CARF: variants seen among roughly 807,000 people sequenced by gnomAD.
CARF encodes the protein calcium-responsive transcription factor.
CARF carries 57 observed loss-of-function variants against 82.0 expected under a neutral mutation model. That is an observed-to-expected ratio of 0.70 (90% confidence interval 0.56 to 0.87). CARF has a LOEUF of 0.87. Ranked by LOEUF, CARF falls within the 40% of genes least tolerant of loss-of-function variation. The probability of loss-of-function intolerance (pLI) is 0.00; values close to 1 mark genes in which losing one functional copy is unlikely to be tolerated. For missense variants in CARF, 771 were observed against 855.8 expected, an observed-to-expected ratio of 0.90 and a Z score of 1.24; for synonymous variants, 268 against 290.1, an observed-to-expected ratio of 0.92 and a Z score of 0.77.
chr2:202,986,901 T>TAC lies in CARF; in HGVS notation c.*3278_*3279insCA, dbSNP rs2060467837. 4 of 137,300 alleles carry TAC rather than the reference T, an allele frequency of 2.9e-5. No homozygotes were observed. The highest frequency in any genetic ancestry group is 4.7e-5 in the Non-Finnish European group (3 of 63,274). 8.5% of individuals were successfully genotyped at this position (137,300 alleles called of 1,614,324 possible). A position where few individuals can be genotyped will look rare whatever the true frequency, so the allele number is the denominator to read the frequency against. Reference sequence around the variant, plus strand: ...ATATATATATATATATATATATATATATATATAGCAACTTGATGTATAGTG... The same window carrying TAC: ...ATATATATATATATATATATATATATACATATATAGCAACTTGATGTATAGTG... On this transcript the variant is annotated 3_prime_UTR_variant, in exon 17 of 17. Coordinates refer to ENST00000438828, the MANE Select transcript of CARF (RefSeq NM_024744.17).
At chr2:202,957,215 C>G (rs572836649) in intron 8 of CARF, among the ~76,000 whole-genome samples, 13 of 152,310 alleles carry the variant, frequency 8.5e-5, no homozygotes, top group Admixed American at 5.2e-4. Context: ...CTTTGACCCT[C>G]CCATTTCTGG....
chr2:202,950,800 C>A (rs908581666), intron 5 of CARF, among the ~76,000 whole-genome samples: 15 of 152,108 alleles, frequency 9.9e-5, no homozygotes, highest in Admixed American at 2.6e-4. Context: ...ATGAACTGAG[C>A]ACGTGTAAGC....
At chr2:202,976,064 C>T (rs1293608755) in intron 13 of CARF, among the ~76,000 whole-genome samples, 1 of 151,884 alleles carries the variant, frequency 6.6e-6, no homozygotes, top group Non-Finnish European at 1.5e-5. Flanking sequence ...AATATATATC[C>T]ATCTATCCAT....
chr2:202,974,993 A>G (rs940840646), intron 13 of CARF, among the ~76,000 whole-genome samples: 2 of 152,092 alleles, frequency 1.3e-5, no homozygotes, highest in South Asian at 4.1e-4. Flanking sequence ...ACAAGAAGAA[A>G]AATCAGTGAA....
intron 11 of CARF, among the ~76,000 whole-genome samples, chr2:202,970,584 A>G (rs1337647572): frequency 1.3e-5 from 2 of 152,108 alleles, no homozygotes; most frequent in Non-Finnish European, 2.9e-5. Context: ...CTGGGTGAAT[A>G]ATTTGTTATT....
chr2:202,977,400 T>C (rs1249327394), intron 14 of CARF, 68 bp downstream of exon 14: 6 of 1,168,392 alleles, frequency 5.1e-6, no homozygotes. Flanking sequence ...ACTTAAGATA[T>C]TATCTCATCT....
chr2:202,982,625 AT>A (rs1473707351), intron 16 of CARF, among the ~76,000 whole-genome samples, 184 bp downstream of exon 16: 1 of 152,128 alleles, frequency 6.6e-6, no homozygotes, highest in East Asian at 1.9e-4. Flanking sequence ...TTAACCTTAA[AT>A]TTTCTTCTTC....
At chr2:202,936,523 A>G (rs945505832) in intron 3 of CARF, among the ~76,000 whole-genome samples, 3 of 152,194 alleles carry the variant, frequency 2.0e-5, no homozygotes, top group African/African-American at 7.2e-5. Context: ...AGAATCATAT[A>G]ATATGTGACC....
chr2:202,971,945 A>G (rs902213405), intron 12 of CARF, among the ~76,000 whole-genome samples: 1 of 152,128 alleles, frequency 6.6e-6, no homozygotes, highest in African/African-American at 2.4e-5. Context: ...ATGGTTTATT[A>G]TAATTCTGAT....
Position 202,969,985 on chromosome 2 carries a change from G to A in CARF, c.1020G>A (p.Lys340=), listed in dbSNP as rs2059718735. Residue 340 remains lysine (K), a synonymous_variant, in exon 11 of 17, where the codon AAG becomes AAA. Coordinates refer to ENST00000438828, the MANE Select transcript of CARF (RefSeq NM_024744.17). ...TTCCTACAGACCCCAAAATTGACAA[G>A]AAAATTATCAGAATGGAGCAGGAGA... is the stretch of plus-strand genomic sequence containing the variant. ...YRVPTDPKID[K]KIIRMEQEKA... 2 of 1,575,040 alleles carry A rather than the reference G, an allele frequency of 1.3e-6. No homozygotes were observed. Among genetic ancestry groups the A allele is most frequent in the Middle Eastern group, 3.4e-4 (2 of 5,954 alleles).
intron 3 of CARF, among the ~76,000 whole-genome samples, chr2:202,935,266 A>G (rs1452134395): frequency 6.9e-6 from 1 of 145,006 alleles, no homozygotes; most frequent in Non-Finnish European, 1.5e-5. Context: ...ATATTTATAT[A>G]TTAGAATAGT....
intron 6 of CARF, among the ~76,000 whole-genome samples, chr2:202,953,704 T>C (rs1393701736): frequency 6.6e-6 from 1 of 152,010 alleles, no homozygotes; most frequent in East Asian, 1.9e-4. Context: ...GCACAGTATA[T>C]AAACAAAATT....
In CARF at chr2:202,985,357, A is replaced by G. The variant is rs1332098496; in HGVS notation, c.*1733A>G. On this transcript the variant is annotated 3_prime_UTR_variant, in exon 17 of 17. Coordinates refer to ENST00000438828, the MANE Select transcript of CARF (RefSeq NM_024744.17). ...TAAATATAAAGTACTGTTATAGTAG[A>G]GGTAGGTGGAATTCTAATATTCCCT... is the stretch of plus-strand genomic sequence containing the variant. 1 of 152,094 alleles carries G rather than the reference A, an allele frequency of 6.6e-6. No individual in the cohort carries two copies. The highest frequency in any genetic ancestry group is 1.5e-5 in the Non-Finnish European group (1 of 67,986). The allele number at this position is 152,094 out of a possible 1,614,324, so 9.4% of individuals were successfully genotyped here.
At chr2:202,921,125 C>T (rs1690713653) in intron 2 of CARF, among the ~76,000 whole-genome samples, 1 of 152,156 alleles carries the variant, frequency 6.6e-6, no homozygotes. Context: ...CCTCAGCCTC[C>T]CAGGTAGCTG....
intron 16 of CARF, 58 bp downstream of exon 16, chr2:202,982,499 A>G (rs1431386978): frequency 1.9e-6 from 3 of 1,556,354 alleles, no homozygotes; most frequent in Admixed American, 1.9e-5. Context: ...TATCATCACT[A>G]TATTATACTA....
At chr2:202,973,460 T>G in intron 12 of CARF, 1 of 437,066 alleles carries the variant, frequency 2.3e-6, no homozygotes, top group Non-Finnish European at 4.5e-6. Flanking sequence ...CTATCTTCTT[T>G]TGTCTCCGTG....
intron 13 of CARF, among the ~76,000 whole-genome samples, chr2:202,976,468 C>A (rs1574790500): frequency 6.6e-6 from 1 of 152,030 alleles, no homozygotes; most frequent in Admixed American, 6.6e-5. Context: ...GCCACCACAC[C>A]CGACCTTAAC....
chr2:202,964,257 G>A lies in CARF; in HGVS notation c.833-2721G>A, dbSNP rs575175745. Among the ~76,000 whole-genome samples the A allele has an allele frequency of 2.0e-5, 3 of 152,002 alleles. No individual in the cohort carries two copies. The East Asian group carries it at 5.8e-4, about 29-fold the overall frequency. Reference sequence around the variant, plus strand: ...TTTACTTCATGACTTAGCATTGCCAGATGTTTAAAAATCTTTGTTTGTTTG... The same window carrying A: ...TTTACTTCATGACTTAGCATTGCCAAATGTTTAAAAATCTTTGTTTGTTTG... On this transcript the variant is annotated intron_variant, in intron 9 of 16. Transcript: ENST00000438828.
intron 3 of CARF, among the ~76,000 whole-genome samples, chr2:202,927,323 CTTTT>C (rs146523532): frequency 0.09 from 13,429 of 149,006 alleles, 731 homozygotes; most frequent in Non-Finnish European, 0.13. Flanking sequence ...TTAATTCAGT[CTTTT>C]TTTTTTCCAT....
Sources: allele counts gnomAD v4.1 joint callset (sites outside exome capture counted in the v4.1 genomes callset), GRCh38; gene constraint gnomAD v4.1.1; transcripts MANE v1.5; gene names NCBI Gene and HGNC (gene_info 2026-07-23, HGNC 2026-07-21).